The following RPGRIP1L variants were observed in gnomAD, a reference collection of about 807,000 sequenced individuals.
RPGRIP1L encodes protein fantom.
In RPGRIP1L, 131 loss-of-function variants were observed where a neutral mutation model predicts 160.4. The ratio of observed to expected loss-of-function variants is 0.82; its 90% CI spans 0.71 to 0.94. RPGRIP1L has a LOEUF of 0.94. RPGRIP1L is among the 40% of genes least tolerant of loss of function. The pLI is 0.00. For synonymous variants in RPGRIP1L, 510 were observed against 515.8 expected (o/e 0.99, Z 0.15); for missense variants, 1,522 against 1,535.8 (o/e 0.99, Z 0.15).
At chr16:53,605,853 CT>C (rs1247224030) in intron 25 of RPGRIP1L, among the ~76,000 whole-genome samples, 2 of 152,180 alleles carry the variant, frequency 1.3e-5, no homozygotes, top group African/African-American at 4.8e-5. Context: ...ACATTTATCT[CT>C]ATAATCTGAG....
At chr16:53,681,212 A>C (rs551830474) in intron 6 of RPGRIP1L, among the ~76,000 whole-genome samples, 2 of 152,332 alleles carry the variant, frequency 1.3e-5, no homozygotes, top group Non-Finnish European at 2.9e-5. Flanking sequence ...TGTCTGAGAT[A>C]CTTATGGGTT....
At chr16:53,639,408 A>T (rs78596597) in intron 19 of RPGRIP1L, among the ~76,000 whole-genome samples, 7,779 of 152,138 alleles carry the variant, frequency 0.051, 409 homozygotes, top group East Asian at 0.31. Flanking sequence ...ATATCATAAC[A>T]TAAATATTTT....
At chr16:53,690,441 C>T (rs188376918) in intron 4 of RPGRIP1L, among the ~76,000 whole-genome samples, 124 of 152,238 alleles carry the variant, frequency 8.1e-4, no homozygotes, top group African/African-American at 2.9e-3. Context: ...TGTGATCCAC[C>T]TGCCTTGACC....
At chr16:53,603,205 G>C (rs1430955881) in intron 26 of RPGRIP1L, among the ~76,000 whole-genome samples, 1 of 152,212 alleles carries the variant, frequency 6.6e-6, no homozygotes, top group Non-Finnish European at 1.5e-5. Flanking sequence ...AAGCCAAATG[G>C]GATGCCGATT....
At chr16:53,620,543 T>C (rs909501805) in intron 23 of RPGRIP1L, among the ~76,000 whole-genome samples, 4 of 152,162 alleles carry the variant, frequency 2.6e-5, no homozygotes, top group Non-Finnish European at 5.9e-5. Flanking sequence ...ATTAGCATAG[T>C]ATGATGAAAT....
chr16:53,619,322 T>G, intron 23 of RPGRIP1L, 114 bp from the exon 24 acceptor site: 1 of 856,196 alleles, frequency 1.2e-6, no homozygotes, highest in South Asian at 1.4e-5. Context: ...AATGGGCTTC[T>G]TTTCTTGAAT....
intron 24 of RPGRIP1L, among the ~76,000 whole-genome samples, chr16:53,611,804 T>C (rs1022640913): frequency 6.6e-6 from 1 of 152,238 alleles, no homozygotes; most frequent in African/African-American, 2.4e-5. Flanking sequence ...TCCTGATTAT[T>C]TGTTCTCAGT....
In RPGRIP1L at chr16:53,648,995, G is replaced by A; in HGVS notation, c.2273C>T (p.Ser758Leu). The change falls in exon 16 of 27, where the codon TCA becomes TTA. Residue 758 changes from serine to leucine, a missense_variant. Ser to Leu is a moderately radical substitution (Grantham distance 145, BLOSUM62 -2). Transcript: ENST00000647211. Reference protein sequence around the residue: ...ERAKALGYITSNFKGPEHMQS... With the variant: ...ERAKALGYITLNFKGPEHMQS... ...CATATGCTCTGGCCCCTTAAAATTTGATGTTATATACCCCAAAGCCTTTGC... is the reference window on the plus strand; with the variant it reads ...CATATGCTCTGGCCCCTTAAAATTTAATGTTATATACCCCAAAGCCTTTGC... 1 of 1,614,002 alleles carries A rather than the reference G, an allele frequency of 6.2e-7. No homozygotes were observed. Among genetic ancestry groups the A allele is most frequent in the Non-Finnish European group, 8.5e-7 (1 of 1,179,938 alleles).
At chr16:53,680,822 A>C (rs1410860918) in intron 6 of RPGRIP1L, among the ~76,000 whole-genome samples, 1 of 152,002 alleles carries the variant, frequency 6.6e-6, no homozygotes, top group East Asian at 1.9e-4. Flanking sequence ...GGAATGAGTG[A>C]AGAGAAGAGA....
chr16:53,635,541 CCTT>C (rs1378002991), intron 22 of RPGRIP1L: 3 of 152,348 alleles, frequency 2.0e-5, no homozygotes, highest in Non-Finnish European at 2.9e-5. Flanking sequence ...CTCACTGCAG[CCTT>C]GAACTCCTGT....
chr16:53,623,790 C>T (rs1346860450), intron 22 of RPGRIP1L, among the ~76,000 whole-genome samples: 1 of 152,216 alleles, frequency 6.6e-6, no homozygotes, highest in East Asian at 1.9e-4. Context: ...AGGGCAGGAC[C>T]AATATCTTAC....
intron 10 of RPGRIP1L, among the ~76,000 whole-genome samples, chr16:53,664,524 T>C (rs1968073366): frequency 6.6e-6 from 1 of 152,202 alleles, no homozygotes; most frequent in Non-Finnish European, 1.5e-5. Context: ...TTCTATTCAT[T>C]GCTGTATCCC....
chr16:53,633,308 G>A lies in RPGRIP1L; in HGVS notation c.3294+3131C>T, dbSNP rs143846797. ...TTTCTACCTCCTGATATGATGCAAT[G>A]AAGAGCACACAGTATCGCTTCTGTA... On this transcript the variant is annotated intron_variant, in intron 22 of 26. Transcript: ENST00000647211. 4.4e-3 allele frequency among the ~76,000 whole-genome samples: 668 copies of A among 152,302 alleles called. 3 individuals are homozygous for A. The highest frequency in any genetic ancestry group is 7.9e-3 in the Non-Finnish European group (538 of 68,026).
chr16:53,648,613 T>TGC (rs113828309), intron 16 of RPGRIP1L, among the ~76,000 whole-genome samples: 215 of 133,228 alleles, frequency 1.6e-3, no homozygotes, highest in South Asian at 5.7e-3. Context: ...CGTACGCGCG[T>TGC]GCGCGCGCGC....
At chr16:53,625,950 C>G (rs953205339) in intron 22 of RPGRIP1L, among the ~76,000 whole-genome samples, 1 of 151,490 alleles carries the variant, frequency 6.6e-6, no homozygotes, top group African/African-American at 2.4e-5. Context: ...GCAGCATGCT[C>G]GTTAAGAGTC....
At chr16:53,681,395 AACGT>A (rs1339854819) in intron 6 of RPGRIP1L, among the ~76,000 whole-genome samples, 1 of 152,222 alleles carries the variant, frequency 6.6e-6, no homozygotes, top group African/African-American at 2.4e-5. Context: ...TTCTGATTTT[AACGT>A]TCATGTACAT....
chr16:53,658,288 G>A (rs1414702197), intron 12 of RPGRIP1L, 126 bp downstream of exon 12: 3 of 759,910 alleles, frequency 3.9e-6, no homozygotes, highest in Admixed American at 1.9e-5. Context: ...TGTAAAGGAT[G>A]TACTAAGTTT....
At chr16:53,662,338 A>G (rs1456728435) in intron 10 of RPGRIP1L, among the ~76,000 whole-genome samples, 1 of 152,136 alleles carries the variant, frequency 6.6e-6, no homozygotes, top group African/African-American at 2.4e-5. Context: ...ACATGCAGTT[A>G]ATTTAAGCAT....
In RPGRIP1L at chr16:53,622,325, C is replaced by T; in HGVS notation, c.3326G>A (p.Ser1109Asn). The T allele has an allele frequency of 4.6e-6, 3 of 646,000 alleles. No individual in the cohort carries two copies. The highest frequency in any genetic ancestry group is 3.3e-5 in the South Asian group (2 of 59,968). 40.0% of individuals were successfully genotyped at this position (646,000 alleles called of 1,614,324 possible). A position where few individuals can be genotyped will look rare whatever the true frequency, so the allele number is the denominator to read the frequency against. Residue 1109 changes from serine (S) to asparagine (N), a missense_variant, in exon 23 of 27, where the codon AGT becomes AAT. By Grantham distance (46) the Ser-to-Asn change is conservative. Coordinates refer to ENST00000647211, the MANE Select transcript of RPGRIP1L (RefSeq NM_015272.5). Reference protein sequence around the residue: ...SLALSPGLGCSSAISAHCNFR... With the variant: ...SLALSPGLGCNSAISAHCNFR... ...GTTGCAGTGAGCTGAGATCGCGCTA[C>T]TGCACCCCAGCCCGGGAGACAATGC...
Sources: gnomAD v4.1 joint callset for allele counts (sites outside exome capture counted in the v4.1 genomes callset) on GRCh38, gnomAD v4.1.1 for gene constraint, MANE v1.5 for transcripts, NCBI Gene and HGNC (gene_info 2026-07-23, HGNC 2026-07-21) for gene names.